The following PCP4 variants were observed in gnomAD, a reference collection of about 807,000 sequenced individuals.
PCP4 encodes the protein calmodulin regulator protein PCP4.
A neutral mutation model predicts 10.0 loss-of-function variants in PCP4; 8 were observed. That is an observed-to-expected ratio of 0.80 (90% confidence interval 0.47 to 1.45). The LOEUF (loss-of-function observed/expected upper bound fraction) is 1.45, where lower values mean the gene tolerates loss of function less well. Among genes scored for constraint, PCP4 ranks in the 40% most tolerant of loss-of-function variants. PCP4 has a pLI of 0.00. For missense variants in PCP4, 54 were observed against 74.4 expected, an observed-to-expected ratio of 0.73 and a Z score of 1.01; for synonymous variants, 21 against 23.0, an observed-to-expected ratio of 0.91 and a Z score of 0.24.
intron 2 of PCP4, among the ~76,000 whole-genome samples, chr21:39,924,430 C>T (rs894178135): frequency 6.6e-6 from 1 of 152,192 alleles, no homozygotes; most frequent in African/African-American, 2.4e-5. Flanking sequence ...CCCACTTCTG[C>T]AGGGTGCCTG....
At chr21:39,897,610 A>G (rs2087463197) in intron 1 of PCP4, among the ~76,000 whole-genome samples, 1 of 152,176 alleles carries the variant, frequency 6.6e-6, no homozygotes, top group Non-Finnish European at 1.5e-5. Context: ...CCAAAGTGTT[A>G]AGTCTAACCT....
At chr21:39,874,197 G>A (rs1392632597) in intron 1 of PCP4, among the ~76,000 whole-genome samples, 1 of 152,198 alleles carries the variant, frequency 6.6e-6, no homozygotes, top group Non-Finnish European at 1.5e-5. Flanking sequence ...CTAGAATAGA[G>A]AGCAGGGGAG....
chr21:39,898,434 A>G (rs1387496214), intron 1 of PCP4, 42 bp from the exon 2 acceptor site: 8 of 1,513,574 alleles, frequency 5.3e-6, no homozygotes, highest in South Asian at 2.2e-5. Flanking sequence ...TCCCGAGTAT[A>G]TCTGATAACA....
At chr21:39,878,067 C>G (rs894377756) in intron 1 of PCP4, among the ~76,000 whole-genome samples, 1 of 152,090 alleles carries the variant, frequency 6.6e-6, no homozygotes, top group African/African-American at 2.4e-5. Flanking sequence ...TCATTGAACT[C>G]CCATTGATGG....
At chr21:39,873,516 T>C (rs991646333) in intron 1 of PCP4, among the ~76,000 whole-genome samples, 1 of 152,182 alleles carries the variant, frequency 6.6e-6, no homozygotes, top group African/African-American at 2.4e-5. Flanking sequence ...TGGATTCAAA[T>C]TTCTTTTCTT....
chr21:39,872,925 C>T (rs565837368), intron 1 of PCP4, among the ~76,000 whole-genome samples: 7 of 152,078 alleles, frequency 4.6e-5, no homozygotes, highest in South Asian at 2.1e-4. Context: ...TTGTTATATA[C>T]GCAACATAAG....
At chr21:39,885,282 A>T (rs977903432) in intron 1 of PCP4, among the ~76,000 whole-genome samples, 2 of 152,160 alleles carry the variant, frequency 1.3e-5, no homozygotes, top group Non-Finnish European at 2.9e-5. Context: ...CTATTCAACC[A>T]TGTAGTCCCA....
chr21:39,889,510 G>T (rs530266752), intron 1 of PCP4, among the ~76,000 whole-genome samples: 1 of 144,656 alleles, frequency 6.9e-6, no homozygotes, highest in African/African-American at 2.6e-5. Flanking sequence ...TCCGCCTCCC[G>T]GGTTCACGCC....
chr21:39,911,885 C>T lies in PCP4; in HGVS notation c.61+13358C>T, dbSNP rs559480379. ...TGCAGATGAGATATTCATTCTTATT[C>T]TATTCACACATCTGACAGTTGAACA... On this transcript the variant is annotated intron_variant, in intron 2 of 2. Transcript: ENST00000328619. 1.8e-4 allele frequency among the ~76,000 whole-genome samples: 28 copies of T among 152,312 alleles called. No individual in the cohort carries two copies. In the South Asian group the frequency reaches 5.8e-3, roughly 32 times the overall value.
At position 39,888,268 on chromosome 21, in the gene PCP4, T is replaced by C. The variant is rs1216592373; in HGVS notation, c.10-10208T>C. ...CCTTCCTTTGCAGAATCTCAGCAACTCTGTGGTAGACAGGGGCCAACAGAA... is the reference window on the plus strand; with the variant it reads ...CCTTCCTTTGCAGAATCTCAGCAACCCTGTGGTAGACAGGGGCCAACAGAA... On this transcript the variant is annotated intron_variant, in intron 1 of 2. Coordinates refer to ENST00000328619, the MANE Select transcript of PCP4 (RefSeq NM_006198.3). Among the ~76,000 whole-genome samples, 13 of 152,328 alleles carry C rather than the reference T, an allele frequency of 8.5e-5. No individual in the cohort carries two copies. The East Asian group carries it at 2.5e-3, about 29-fold the overall frequency.
chr21:39,903,785 G>A (rs1349602645), intron 2 of PCP4, among the ~76,000 whole-genome samples: 1 of 150,382 alleles, frequency 6.6e-6, no homozygotes, highest in African/African-American at 2.5e-5. Flanking sequence ...GGAGAATGGC[G>A]TGAACCTGGG....
rs1200699355 is a variant in PCP4, at chr21:39,876,164, T to C, written c.9+8654T>C. Among the ~76,000 whole-genome samples, 4 of 151,696 alleles carry C rather than the reference T, an allele frequency of 2.6e-5. No homozygotes were observed. The East Asian group carries it at 5.8e-4, about 22-fold the overall frequency. On this transcript the variant is annotated intron_variant, in intron 1 of 2. Transcript: ENST00000328619. The stretch of plus-strand genomic sequence containing the variant: ...ATTTACTATTTTAACCACTTTTAAG[T>C]GTACAGTTCAGCGGTATTAATTACA...
chr21:39,905,428 G>A (rs902833915), intron 2 of PCP4, among the ~76,000 whole-genome samples: 5 of 152,142 alleles, frequency 3.3e-5, no homozygotes, highest in African/African-American at 7.2e-5. Flanking sequence ...TTATTAAGCC[G>A]GGCATTTAAA....
chr21:39,893,592 C>G (rs1338414660), intron 1 of PCP4, among the ~76,000 whole-genome samples: 1 of 152,234 alleles, frequency 6.6e-6, no homozygotes, highest in African/African-American at 2.4e-5. Flanking sequence ...AGCTCATGCA[C>G]CACCTGCCTG....
At chr21:39,898,723 G>A (rs1477066073) in intron 2 of PCP4, among the ~76,000 whole-genome samples, 196 bp downstream of exon 2, 4 of 152,166 alleles carry the variant, frequency 2.6e-5, no homozygotes, top group South Asian at 2.1e-4. Context: ...GCTAAATGCC[G>A]TGATAAGAAG....
chr21:39,916,114 G>A (rs1343102237), intron 2 of PCP4: 2 of 152,134 alleles, frequency 1.3e-5, no homozygotes, highest in African/African-American at 4.8e-5. Flanking sequence ...GTTTGCTGTT[G>A]GGGCAGCTAG....
intron 2 of PCP4, among the ~76,000 whole-genome samples, chr21:39,925,146 C>T (rs78693941): frequency 0.025 from 3,873 of 152,320 alleles, 178 homozygotes; most frequent in African/African-American, 0.087. Context: ...TGCCAGGTTT[C>T]CCATCTTCCT....
At chr21:39,887,697 C>T (rs1183342553) in intron 1 of PCP4, among the ~76,000 whole-genome samples, 1 of 150,270 alleles carries the variant, frequency 6.7e-6, no homozygotes, top group East Asian at 1.9e-4. Flanking sequence ...TGCCATTTCA[C>T]TGTGCAATCC....
At chr21:39,909,634 G>T (rs1281680348) in intron 2 of PCP4, among the ~76,000 whole-genome samples, 1 of 152,048 alleles carries the variant, frequency 6.6e-6, no homozygotes. Flanking sequence ...ATATGGCTGG[G>T]TGTGCCGGGA....
Sources: allele counts gnomAD v4.1 joint callset (sites outside exome capture counted in the v4.1 genomes callset), GRCh38; gene constraint gnomAD v4.1.1; transcripts MANE v1.5; gene names NCBI Gene and HGNC (gene_info 2026-07-23, HGNC 2026-07-21).